LRRC1: variants seen among roughly 807,000 people sequenced by gnomAD.
The protein encoded by LRRC1 is leucine rich repeat containing 1.
Under a neutral mutation model 69.9 loss-of-function variants are expected in LRRC1, and 28 were observed. The observed-to-expected ratio is 0.40, with a 90% CI of 0.30 to 0.55. LRRC1 has a LOEUF of 0.55. Ranked by LOEUF, LRRC1 falls within the 20% of genes least tolerant of loss-of-function variation. LRRC1 has a pLI of 0.47. For synonymous variants in LRRC1, 236 were observed against 240.2 expected, an observed-to-expected ratio of 0.98 and a Z score of 0.16; for missense variants, 498 against 609.0, an observed-to-expected ratio of 0.82 and a Z score of 1.92.
intron 1 of LRRC1, among the ~76,000 whole-genome samples, chr6:53,808,269 A>G (rs913096114): frequency 6.6e-6 from 1 of 152,030 alleles, no homozygotes; most frequent in Admixed American, 6.5e-5. Context: ...AAAGTGGACA[A>G]TACCTGCAGG....
chr6:53,828,459 G>C (rs1375152173), intron 1 of LRRC1, among the ~76,000 whole-genome samples: 1 of 152,220 alleles, frequency 6.6e-6, no homozygotes, highest in Non-Finnish European at 1.5e-5. Context: ...TGTTTCTCCT[G>C]GGCAGGATCT....
chr6:53,841,039 A>C (rs1765772107), intron 1 of LRRC1, among the ~76,000 whole-genome samples: 1 of 151,956 alleles, frequency 6.6e-6, no homozygotes, highest in South Asian at 2.1e-4. Context: ...TCTTTATAGG[A>C]AGATTAGTGT....
At chr6:53,874,347 C>CTA (rs1171815739) in intron 2 of LRRC1, among the ~76,000 whole-genome samples, 1 of 151,376 alleles carries the variant, frequency 6.6e-6, no homozygotes, top group African/African-American at 2.4e-5. Context: ...GATTTGACAG[C>CTA]TATATATATA....
intron 1 of LRRC1, among the ~76,000 whole-genome samples, chr6:53,837,767 A>C (rs1765653839): frequency 6.6e-6 from 1 of 152,160 alleles, no homozygotes; most frequent in African/African-American, 2.4e-5. Flanking sequence ...CTAACACTTT[A>C]CCAAAAAAGA....
intron 1 of LRRC1, among the ~76,000 whole-genome samples, chr6:53,827,321 A>C (rs1765299404): frequency 6.6e-6 from 1 of 151,944 alleles, no homozygotes; most frequent in Non-Finnish European, 1.5e-5. Flanking sequence ...AAAAAAAAAA[A>C]AAAAACAGTT....
At chr6:53,852,400 A>G (rs1165154653) in intron 2 of LRRC1, among the ~76,000 whole-genome samples, 1 of 152,230 alleles carries the variant, frequency 6.6e-6, no homozygotes, top group African/African-American at 2.4e-5. Flanking sequence ...CATGAGGGAT[A>G]GAGTGATACA....
At chr6:53,854,133 T>C (rs1053534278) in intron 2 of LRRC1, among the ~76,000 whole-genome samples, 1 of 152,252 alleles carries the variant, frequency 6.6e-6, no homozygotes. Context: ...CCAAGTTTTG[T>C]CTCACTGGTA....
chr6:53,822,051 G>C (rs1194805862), intron 1 of LRRC1, among the ~76,000 whole-genome samples: 1 of 152,096 alleles, frequency 6.6e-6, no homozygotes, highest in Non-Finnish European at 1.5e-5. Flanking sequence ...TACTTGTCAT[G>C]TGCTGAGAGA....
In LRRC1 at chr6:53,847,568, A is replaced by G. The variant is rs146065991; in HGVS notation, c.277+5341A>G. On this transcript the variant is annotated intron_variant, in intron 2 of 13. Transcript: ENST00000370888. ...TTAAAGGTAAGATAGTTTTAGTACA[A>G]TCATCACTATCATCAGGACAGCACT... 2.0e-3 allele frequency among the ~76,000 whole-genome samples: 301 copies of G among 152,338 alleles called. 4 individuals carry two copies. The East Asian group carries it at 0.041, about 21-fold the overall frequency.
intron 12 of LRRC1, 105 bp from the exon 13 acceptor site, chr6:53,920,520 C>A (rs1768705680): frequency 1.6e-6 from 2 of 1,264,874 alleles, no homozygotes; most frequent in Admixed American, 1.8e-5. Context: ...TGGTGTTCTA[C>A]CCCTGGTCCT....
chr6:53,889,326 AC>A (rs745344870), intron 4 of LRRC1, among the ~76,000 whole-genome samples: 1 of 152,146 alleles, frequency 6.6e-6, no homozygotes, highest in Non-Finnish European at 1.5e-5. Context: ...GAACATAGTT[AC>A]CATGTGACCT....
At chr6:53,921,160 G>A (rs376416018) in intron 13 of LRRC1, among the ~76,000 whole-genome samples, 9 of 151,890 alleles carry the variant, frequency 5.9e-5, no homozygotes, top group Non-Finnish European at 1.0e-4. Flanking sequence ...TAGAGATGAC[G>A]TTTCACCATG....
chr6:53,844,517 AG>A (rs1451566748), intron 2 of LRRC1, among the ~76,000 whole-genome samples: 1 of 152,218 alleles, frequency 6.6e-6, no homozygotes, highest in East Asian at 1.9e-4. Flanking sequence ...GTAGCTAGAA[AG>A]AAGGGCTCCA....
chr6:53,897,401 G>A lies in LRRC1; in HGVS notation c.642+42G>A, dbSNP rs376347164. ...CAGTGTCTCCCCAAAACATAAAACA[G>A]CAACAATAAGCTTTGTGTATTTCCT... is the stretch of plus-strand genomic sequence containing the variant. On this transcript the variant is annotated intron_variant, in intron 7 of 13. Transcript: ENST00000370888. 1.5e-5 allele frequency: 20 copies of A among 1,347,476 alleles called. No individual in the cohort carries two copies. In the African/African-American group the frequency reaches 2.8e-4, roughly 19 times the overall value. The allele number at this position is 1,347,476 out of a possible 1,614,324, so 83.5% of individuals were successfully genotyped here. A position where few individuals can be genotyped will look rare whatever the true frequency, so the allele number is the denominator to read the frequency against.
chr6:53,899,248 G>A (rs1460950404), intron 7 of LRRC1, among the ~76,000 whole-genome samples: 1 of 152,200 alleles, frequency 6.6e-6, no homozygotes, highest in Non-Finnish European at 1.5e-5. Flanking sequence ...AGATAGGTAT[G>A]TATGTTCCGG....
chr6:53,900,037 T>TTTG, intron 8 of LRRC1, 146 bp downstream of exon 8: 1 of 677,224 alleles, frequency 1.5e-6, no homozygotes, highest in African/African-American at 2.1e-5. Flanking sequence ...TTTTTTTTTT[T>TTTG]TTTTTTTTTT....
chr6:53,912,695 A>G (rs1413717133), intron 10 of LRRC1, among the ~76,000 whole-genome samples: 2 of 152,232 alleles, frequency 1.3e-5, no homozygotes, highest in East Asian at 1.9e-4. Flanking sequence ...AAAAATATGC[A>G]TTCTGCTTTT....
intron 4 of LRRC1, among the ~76,000 whole-genome samples, chr6:53,889,375 T>C (rs1767600999): frequency 6.6e-6 from 1 of 151,970 alleles, no homozygotes; most frequent in East Asian, 1.9e-4. Flanking sequence ...TCAAAAGAAT[T>C]GAAAACCTAG....
chr6:53,899,491 T>G (rs1484202700), intron 7 of LRRC1, among the ~76,000 whole-genome samples: 2 of 152,066 alleles, frequency 1.3e-5, no homozygotes. Context: ...ACCTATTAAG[T>G]GGGAATGATT....
Sources: gnomAD v4.1 joint callset for allele counts (sites outside exome capture counted in the v4.1 genomes callset) on GRCh38, gnomAD v4.1.1 for gene constraint, MANE v1.5 for transcripts, NCBI Gene and HGNC (gene_info 2026-07-23, HGNC 2026-07-21) for gene names.